AGBL4: variants seen among roughly 807,000 people sequenced by gnomAD.
AGBL4 encodes the protein cytosolic carboxypeptidase 6.
A neutral mutation model predicts 66.4 loss-of-function variants in AGBL4; 58 were observed. That is an observed-to-expected ratio of 0.87 (90% CI 0.71 to 1.09). The LOEUF is 1.09. AGBL4 is among the 50% of genes least tolerant of loss of function. AGBL4 has a pLI of 0.00. For missense variants in AGBL4, 579 were observed against 631.0 expected, an observed-to-expected ratio of 0.92 and a Z score of 0.88; for synonymous variants, 234 against 222.9, an observed-to-expected ratio of 1.05 and a Z score of -0.44.
intron 2 of AGBL4, among the ~76,000 whole-genome samples, chr1:49,751,713 G>GCT (rs1651484437): frequency 6.6e-6 from 1 of 152,026 alleles, no homozygotes; most frequent in Non-Finnish European, 1.5e-5. Context: ...CTGGTCCTAG[G>GCT]CTTTTCTTGG....
At chr1:48,771,222 A>G (rs1319782850) in intron 6 of AGBL4, among the ~76,000 whole-genome samples, 2 of 152,218 alleles carry the variant, frequency 1.3e-5, no homozygotes, top group African/African-American at 2.4e-5. Flanking sequence ...CTTCTGGTAG[A>G]AAGAGTACAC....
At chr1:48,815,724 A>AAT (rs1310323800) in intron 6 of AGBL4, among the ~76,000 whole-genome samples, 1 of 152,184 alleles carries the variant, frequency 6.6e-6, no homozygotes, top group Non-Finnish European at 1.5e-5. Flanking sequence ...TTTGGGAGAG[A>AAT]ATATATTATA....
intron 6 of AGBL4, among the ~76,000 whole-genome samples, chr1:48,672,016 A>G (rs1646285116): frequency 6.6e-6 from 1 of 152,260 alleles, no homozygotes; most frequent in Non-Finnish European, 1.5e-5. Flanking sequence ...AACAAGGACA[A>G]CAAAAACAGT....
At chr1:48,746,940 G>A (rs1041435504) in intron 6 of AGBL4, among the ~76,000 whole-genome samples, 1 of 152,202 alleles carries the variant, frequency 6.6e-6, no homozygotes, top group South Asian at 2.1e-4. Context: ...AAAAGCATGT[G>A]TTTTCTTCAG....
intron 3 of AGBL4, among the ~76,000 whole-genome samples, chr1:49,440,785 A>G (rs922915135): frequency 1.3e-5 from 2 of 152,178 alleles, no homozygotes; most frequent in Non-Finnish European, 2.9e-5. Flanking sequence ...CCAGGTATCT[A>G]CTGTTAAAGT....
chr1:49,136,436 T>G (rs780822031), intron 4 of AGBL4, among the ~76,000 whole-genome samples: 5 of 152,206 alleles, frequency 3.3e-5, no homozygotes, highest in Admixed American at 2.0e-4. Flanking sequence ...CCTTGTCCAC[T>G]ACATGTTGCT....
intron 3 of AGBL4, chr1:49,469,654 A>G (rs994148638): frequency 1.3e-5 from 2 of 151,908 alleles, no homozygotes; most frequent in Non-Finnish European, 2.9e-5. Flanking sequence ...TTCTTGCTAA[A>G]CCAGATAAAG....
chr1:48,900,603 A>G (rs1216830548), intron 5 of AGBL4, among the ~76,000 whole-genome samples: 1 of 152,244 alleles, frequency 6.6e-6, no homozygotes, highest in Non-Finnish European at 1.5e-5. Flanking sequence ...CCAGTTTTCA[A>G]CAAAGATTTG....
intron 11 of AGBL4, among the ~76,000 whole-genome samples, chr1:48,581,158 T>C (rs1378627973): frequency 1.3e-5 from 2 of 152,176 alleles, no homozygotes; most frequent in East Asian, 1.9e-4. Flanking sequence ...GCTTTTTTCA[T>C]CTGTCTTTTT....
chr1:49,798,638 G>A (rs1255858862), intron 2 of AGBL4, among the ~76,000 whole-genome samples: 1 of 152,048 alleles, frequency 6.6e-6, no homozygotes, highest in Non-Finnish European at 1.5e-5. Flanking sequence ...TAATGTTTAA[G>A]TTCCTTTTAT....
intron 1 of AGBL4, among the ~76,000 whole-genome samples, chr1:49,918,920 T>A (rs1651886941): frequency 1.3e-5 from 2 of 152,206 alleles, no homozygotes; most frequent in African/African-American, 4.8e-5. Context: ...GATGCAAGGC[T>A]GGTTCAACAT....
At chr1:49,587,266 A>T (rs1644667076) in intron 3 of AGBL4, among the ~76,000 whole-genome samples, 1 of 152,034 alleles carries the variant, frequency 6.6e-6, no homozygotes, top group African/African-American at 2.4e-5. Context: ...GAAAAGAAAG[A>T]AAAGAAAAAA....
chr1:49,889,492 G>A (rs1043672591), intron 1 of AGBL4, among the ~76,000 whole-genome samples: 2 of 152,006 alleles, frequency 1.3e-5, no homozygotes, highest in Non-Finnish European at 2.9e-5. Flanking sequence ...GAAATAATCA[G>A]GTTTCTATAA....
intron 4 of AGBL4, among the ~76,000 whole-genome samples, chr1:49,046,140 G>A (rs906222444): frequency 6.6e-6 from 1 of 152,112 alleles, no homozygotes; most frequent in Non-Finnish European, 1.5e-5. Context: ...ATAAGACAAG[G>A]AAGATCTCTG....
At chr1:48,606,693 C>G (rs1645158784) in intron 9 of AGBL4, among the ~76,000 whole-genome samples, 2 of 152,160 alleles carry the variant, frequency 1.3e-5, no homozygotes, top group South Asian at 4.1e-4. Context: ...TGGTTTAGCT[C>G]TTGGCATTTG....
At chr1:49,890,576 C>A (rs1005511794) in intron 1 of AGBL4, among the ~76,000 whole-genome samples, 7 of 152,196 alleles carry the variant, frequency 4.6e-5, no homozygotes, top group African/African-American at 1.7e-4. Context: ...TATAATTCCA[C>A]CAAATCCCAC....
intron 1 of AGBL4, among the ~76,000 whole-genome samples, chr1:49,915,272 G>T (rs976059905): frequency 1.3e-5 from 2 of 152,066 alleles, no homozygotes; most frequent in African/African-American, 2.4e-5. Flanking sequence ...AGTGACAGCC[G>T]AAGCAGGGTG....
At chr1:49,131,015 CA>C (rs1197109171) in intron 4 of AGBL4, among the ~76,000 whole-genome samples, 1 of 151,910 alleles carries the variant, frequency 6.6e-6, no homozygotes, top group East Asian at 1.9e-4. Context: ...TTTACATCAA[CA>C]AATGAATAGA....
intron 4 of AGBL4, among the ~76,000 whole-genome samples, chr1:49,228,901 G>A (rs945329035): frequency 6.6e-6 from 1 of 152,152 alleles, no homozygotes; most frequent in African/African-American, 2.4e-5. Flanking sequence ...CTCACAGACA[G>A]CAATATGTTC....
Sources: gnomAD v4.1 joint callset for allele counts (sites outside exome capture counted in the v4.1 genomes callset) on GRCh38, gnomAD v4.1.1 for gene constraint, MANE v1.5 for transcripts, NCBI Gene and HGNC (gene_info 2026-07-23, HGNC 2026-07-21) for gene names.